SCAMP1: variants seen among roughly 807,000 people sequenced by gnomAD.
The protein encoded by SCAMP1 is secretory carrier-associated membrane protein 1.
A neutral mutation model predicts 41.8 loss-of-function variants in SCAMP1; 15 were observed. That is an observed-to-expected ratio of 0.36 (90% CI 0.24 to 0.55). The LOEUF is 0.55. Ranked by LOEUF, SCAMP1 falls within the 20% of genes least tolerant of loss-of-function variation. SCAMP1 has a pLI of 0.86. For missense variants in SCAMP1, 341 were observed against 412.6 expected (o/e 0.83, Z 1.50); for synonymous variants, 135 against 136.8 (o/e 0.99, Z 0.09).
intron 1 of SCAMP1, among the ~76,000 whole-genome samples, chr5:78,376,205 G>GA (rs1751061166): frequency 1.3e-5 from 2 of 152,148 alleles, no homozygotes; most frequent in Non-Finnish European, 2.9e-5. Context: ...CGACACTTAT[G>GA]AAAAATAGAA....
intron 1 of SCAMP1, among the ~76,000 whole-genome samples, chr5:78,371,372 A>G (rs1311250862): frequency 2.0e-5 from 3 of 152,156 alleles, no homozygotes; most frequent in Non-Finnish European, 4.4e-5. Context: ...ATTGTTTTGC[A>G]TGTGGTTATA....
At chr5:78,423,187 G>A (rs1752383159) in intron 6 of SCAMP1, among the ~76,000 whole-genome samples, 1 of 152,144 alleles carries the variant, frequency 6.6e-6, no homozygotes, top group Non-Finnish European at 1.5e-5. Flanking sequence ...ATGGCATAAA[G>A]AGAAGAAATG....
At chr5:78,391,312 C>T (rs1172483242) in intron 2 of SCAMP1, among the ~76,000 whole-genome samples, 6 of 143,744 alleles carry the variant, frequency 4.2e-5, no homozygotes, top group Non-Finnish European at 6.1e-5. Flanking sequence ...CCGGACGGGG[C>T]GGCTGGCCGG....
intron 2 of SCAMP1, among the ~76,000 whole-genome samples, chr5:78,400,189 G>A (rs1751762495): frequency 6.6e-6 from 1 of 152,254 alleles, no homozygotes; most frequent in Non-Finnish European, 1.5e-5. Flanking sequence ...AGTTATGTGG[G>A]TCTATTTTTG....
Position 78,412,271 on chromosome 5 carries a change from C to T in SCAMP1, c.136-3249C>T, listed in dbSNP as rs552867625. Reference sequence around the variant, plus strand: ...ACCTTTTCATTATGATTTCTTTCCCCTCATCTTTTCTGAATGTTTAGAATG... The same window carrying T: ...ACCTTTTCATTATGATTTCTTTCCCTTCATCTTTTCTGAATGTTTAGAATG... On this transcript the variant is annotated intron_variant, in intron 2 of 8. Coordinates refer to ENST00000621999, the MANE Select transcript of SCAMP1 (RefSeq NM_004866.6). Among the ~76,000 whole-genome samples the T allele has an allele frequency of 6.6e-5, 10 of 152,000 alleles. No individual in the cohort carries two copies. In the East Asian group the frequency reaches 1.9e-3, roughly 29 times the overall value.
At chr5:78,389,122 C>A (rs1751424175) in intron 2 of SCAMP1, among the ~76,000 whole-genome samples, 1 of 152,106 alleles carries the variant, frequency 6.6e-6, no homozygotes, top group Admixed American at 6.5e-5. Context: ...TGAAATACTT[C>A]AAATTTTCTT....
intron 2 of SCAMP1, among the ~76,000 whole-genome samples, chr5:78,398,579 T>G: frequency 7.7e-6 from 1 of 129,156 alleles, no homozygotes; most frequent in Non-Finnish European, 1.6e-5. Flanking sequence ...TGAGACAGAG[T>G]CTTGCTCTGT....
At chr5:78,436,595 G>A (rs909375063) in intron 6 of SCAMP1, among the ~76,000 whole-genome samples, 3 of 152,106 alleles carry the variant, frequency 2.0e-5, no homozygotes, top group African/African-American at 4.8e-5. Context: ...ATCTCTTTTG[G>A]TATCAGTACC....
chr5:78,390,292 T>C (rs1187727023), intron 2 of SCAMP1, among the ~76,000 whole-genome samples: 2 of 152,208 alleles, frequency 1.3e-5, no homozygotes, highest in South Asian at 2.1e-4. Context: ...CTTTTAAATT[T>C]CTCTTTATTT....
chr5:78,410,652 G>A (rs1364388727), intron 2 of SCAMP1, among the ~76,000 whole-genome samples: 1 of 152,100 alleles, frequency 6.6e-6, no homozygotes, highest in Non-Finnish European at 1.5e-5. Flanking sequence ...ATTCCTTTGG[G>A]TATTTACACA....
intron 8 of SCAMP1, among the ~76,000 whole-genome samples, chr5:78,464,935 G>T (rs1183522168): frequency 6.6e-6 from 1 of 152,186 alleles, no homozygotes; most frequent in Non-Finnish European, 1.5e-5. Flanking sequence ...AGACTGTACT[G>T]CTCGGTTTCT....
At position 78,404,453 on chromosome 5, in the gene SCAMP1, G is replaced by GT. The variant is rs3058233; in HGVS notation, c.136-11047dup. ...TGAGCCACTGTGCCCAGCCTTACAG[G>GT]TTTTTTTTTTTTTTTTTTTTGCTAG... On this transcript the variant is annotated intron_variant, in intron 2 of 8. Coordinates refer to ENST00000621999, the MANE Select transcript of SCAMP1 (RefSeq NM_004866.6). 5.6e-3 allele frequency among the ~76,000 whole-genome samples: 552 copies of GT among 98,150 alleles called. 18 individuals carry two copies. The highest frequency in any genetic ancestry group is 0.014 in the African/African-American group (301 of 22,228). The allele number at this position is 98,150 out of a possible 152,430, so 64.4% of individuals were successfully genotyped here. A position where few individuals can be genotyped will look rare whatever the true frequency, so the allele number is the denominator to read the frequency against.
At chr5:78,453,753 T>C (rs936770497) in intron 7 of SCAMP1, among the ~76,000 whole-genome samples, 2 of 152,238 alleles carry the variant, frequency 1.3e-5, no homozygotes, top group African/African-American at 2.4e-5. Context: ...GGCGATGGCA[T>C]TGAATCTGTA....
chr5:78,431,534 CTTTTT>C (rs11380148), intron 6 of SCAMP1, among the ~76,000 whole-genome samples: 4 of 121,260 alleles, frequency 3.3e-5, no homozygotes, highest in African/African-American at 9.5e-5. Context: ...TTCTTTTTGC[CTTTTT>C]TTTTTTTTTT....
chr5:78,438,866 T>A (rs971359492), intron 6 of SCAMP1, among the ~76,000 whole-genome samples: 8 of 152,178 alleles, frequency 5.3e-5, no homozygotes, highest in African/African-American at 1.9e-4. Flanking sequence ...TTTGTAGGTC[T>A]CTAAGGACTT....
At chr5:78,385,428 T>C (rs981975235) in intron 1 of SCAMP1, among the ~76,000 whole-genome samples, 29 of 152,184 alleles carry the variant, frequency 1.9e-4, no homozygotes, top group African/African-American at 7.0e-4. Context: ...TTTGTATTTG[T>C]TTGTTTCTAT....
intron 8 of SCAMP1, among the ~76,000 whole-genome samples, chr5:78,473,713 T>A (rs187815241): frequency 1.3e-5 from 2 of 152,284 alleles, no homozygotes; most frequent in East Asian, 3.9e-4. Context: ...CACTTAAAAG[T>A]GAGAACATGT....
chr5:78,414,687 A>G (rs532464638), intron 2 of SCAMP1, among the ~76,000 whole-genome samples: 112 of 152,192 alleles, frequency 7.4e-4, no homozygotes, highest in Non-Finnish European at 1.4e-3. Context: ...TCCCCCATTG[A>G]TGGACTTGTA....
At chr5:78,374,046 G>C (rs1751008002) in intron 1 of SCAMP1, among the ~76,000 whole-genome samples, 1 of 152,020 alleles carries the variant, frequency 6.6e-6, no homozygotes. Flanking sequence ...GTAAGAGTAG[G>C]TTATTTAGTA....
Sources: allele counts gnomAD v4.1 joint callset (sites outside exome capture counted in the v4.1 genomes callset), GRCh38; gene constraint gnomAD v4.1.1; transcripts MANE v1.5; gene names NCBI Gene and HGNC (gene_info 2026-07-23, HGNC 2026-07-21).